CNTNAP2: variants seen among roughly 807,000 people sequenced by gnomAD.
CNTNAP2 encodes the protein contactin-associated protein-like 2.
CNTNAP2 carries 98 observed loss-of-function variants against 155.2 expected under a neutral mutation model. The observed-to-expected ratio is 0.63, with a 90% CI of 0.54 to 0.75. The LOEUF is 0.75. Ranked by LOEUF, CNTNAP2 falls within the 30% of genes least tolerant of loss-of-function variation. CNTNAP2 has a pLI of 0.00. For synonymous variants in CNTNAP2, 651 were observed against 631.2 expected, an observed-to-expected ratio of 1.03 and a Z score of -0.47; for missense variants, 1,727 against 1,688.1, an observed-to-expected ratio of 1.02 and a Z score of -0.40.
chr7:147,221,833 T>C (rs568148536), intron 8 of CNTNAP2, among the ~76,000 whole-genome samples: 48 of 152,170 alleles, frequency 3.2e-4, no homozygotes, highest in Non-Finnish European at 4.9e-4. Context: ...TCCTTAACCA[T>C]TGAAAGATAG....
chr7:146,275,385 A>G (rs1246586805), intron 1 of CNTNAP2, among the ~76,000 whole-genome samples: 2 of 152,212 alleles, frequency 1.3e-5, no homozygotes, highest in African/African-American at 4.8e-5. Flanking sequence ...TAAGTTTTTA[A>G]AATAGTATTT....
chr7:148,078,451 AT>A (rs1563191745), intron 15 of CNTNAP2, among the ~76,000 whole-genome samples: 1 of 152,010 alleles, frequency 6.6e-6, no homozygotes, highest in Non-Finnish European at 1.5e-5. Context: ...TTAAATACTT[AT>A]TTTTAACATT....
At chr7:147,974,906 T>A (rs1801400017) in intron 14 of CNTNAP2, among the ~76,000 whole-genome samples, 1 of 151,710 alleles carries the variant, frequency 6.6e-6, no homozygotes, top group African/African-American at 2.4e-5. Context: ...ACTGGAAACA[T>A]CCAAATGACA....
chr7:148,264,576 A>T (rs1425861251), intron 20 of CNTNAP2, among the ~76,000 whole-genome samples: 1 of 152,226 alleles, frequency 6.6e-6, no homozygotes, highest in Non-Finnish European at 1.5e-5. Flanking sequence ...ATTAACATTT[A>T]TTATTAGCAG....
intron 3 of CNTNAP2, among the ~76,000 whole-genome samples, chr7:146,937,878 G>T (rs1276193531): frequency 1.3e-5 from 2 of 152,136 alleles, no homozygotes; most frequent in African/African-American, 2.4e-5. Context: ...GAAGCTTAGG[G>T]TTGTTTATAG....
intron 3 of CNTNAP2, among the ~76,000 whole-genome samples, chr7:146,847,657 G>C (rs181383844): frequency 6.6e-6 from 1 of 151,898 alleles, no homozygotes; most frequent in Admixed American, 6.6e-5. Context: ...TTATAATAAC[G>C]TTTTTCTATT....
At chr7:146,895,203 C>CTTACTTCCTTCCTT (rs770564321) in intron 3 of CNTNAP2, among the ~76,000 whole-genome samples, 6 of 151,020 alleles carry the variant, frequency 4.0e-5, no homozygotes, top group African/African-American at 1.5e-4. Context: ...ACATCCTTCC[C>CTTACTTCCTTCCTT]TTCCTTCCTT....
chr7:146,225,658 A>G (rs948844225), intron 1 of CNTNAP2, among the ~76,000 whole-genome samples: 1 of 152,202 alleles, frequency 6.6e-6, no homozygotes, highest in Non-Finnish European at 1.5e-5. Flanking sequence ...GACGCTGATG[A>G]CAACTGGTGG....
At chr7:147,019,447 A>C (rs926232130) in intron 3 of CNTNAP2, among the ~76,000 whole-genome samples, 3 of 152,080 alleles carry the variant, frequency 2.0e-5, no homozygotes, top group Admixed American at 1.3e-4. Flanking sequence ...ACAAACACAA[A>C]GTAAATTCAA....
At chr7:146,783,104 A>G (rs1296238866) in intron 2 of CNTNAP2, among the ~76,000 whole-genome samples, 1 of 152,114 alleles carries the variant, frequency 6.6e-6, no homozygotes, top group African/African-American at 2.4e-5. Context: ...ACTCCTTTCA[A>G]TTTAAGTGAA....
intron 13 of CNTNAP2, among the ~76,000 whole-genome samples, chr7:147,707,022 T>A (rs1796326514): frequency 6.6e-6 from 1 of 152,214 alleles, no homozygotes. Context: ...AAATTTCTCA[T>A]TCATATTCTG....
chr7:147,332,342 A>C (rs1795585047), intron 9 of CNTNAP2, among the ~76,000 whole-genome samples: 1 of 152,184 alleles, frequency 6.6e-6, no homozygotes, highest in Non-Finnish European at 1.5e-5. Context: ...ATTTGTTTTT[A>C]ATGATGAAGT....
At chr7:148,061,906 GATAGATAAACAGAT>G (rs1259440058) in intron 15 of CNTNAP2, among the ~76,000 whole-genome samples, 5 of 118,134 alleles carry the variant, frequency 4.2e-5, no homozygotes, top group East Asian at 6.9e-4. Context: ...TAGATAGATA[GATAGATAAACAGAT>G]ATAGATAGAT....
chr7:146,236,861 T>C (rs1310821096), intron 1 of CNTNAP2, among the ~76,000 whole-genome samples: 5 of 152,132 alleles, frequency 3.3e-5, no homozygotes, highest in African/African-American at 4.8e-5. Context: ...TTTTCTGTTT[T>C]TACCTCACAG....
At chr7:147,772,307 C>T (rs1440410055) in intron 13 of CNTNAP2, among the ~76,000 whole-genome samples, 1 of 150,364 alleles carries the variant, frequency 6.7e-6, no homozygotes, top group Non-Finnish European at 1.5e-5. Context: ...ATCCCAGCTA[C>T]TCGGGAGGCT....
chr7:147,577,573 A>G (rs550498349), intron 12 of CNTNAP2, among the ~76,000 whole-genome samples: 2 of 151,940 alleles, frequency 1.3e-5, no homozygotes, highest in African/African-American at 4.8e-5. Context: ...TCTCCCATGT[A>G]GAGTTTCTTC....
intron 1 of CNTNAP2, among the ~76,000 whole-genome samples, chr7:146,612,831 G>T (rs545431641): frequency 4.6e-5 from 7 of 151,502 alleles, no homozygotes; most frequent in Non-Finnish European, 8.8e-5. Flanking sequence ...GTATTTTTGT[G>T]ATGTTGCTCC....
chr7:147,327,127 T>C (rs1044535915), intron 9 of CNTNAP2, among the ~76,000 whole-genome samples: 2 of 144,854 alleles, frequency 1.4e-5, no homozygotes, highest in South Asian at 2.4e-4. Context: ...AAGGGGCTTG[T>C]TAGGTTTTTC....
intron 10 of CNTNAP2, among the ~76,000 whole-genome samples, chr7:147,403,685 C>G (rs1441134990): frequency 1.3e-5 from 2 of 152,160 alleles, no homozygotes; most frequent in Non-Finnish European, 2.9e-5. Flanking sequence ...TGGTTTTAGA[C>G]TACTTTTCCA....
Sources: gnomAD v4.1 joint callset for allele counts (sites outside exome capture counted in the v4.1 genomes callset) on GRCh38, gnomAD v4.1.1 for gene constraint, MANE v1.5 for transcripts, NCBI Gene and HGNC (gene_info 2026-07-23, HGNC 2026-07-21) for gene names.